Variants in GRM3 observed in about 807,000 individuals in gnomAD.
The protein encoded by GRM3 is metabotropic glutamate receptor 3.
A neutral mutation model predicts 70.5 loss-of-function variants in GRM3; 26 were observed. That is an observed-to-expected ratio of 0.37 (90% CI 0.27 to 0.51). The LOEUF (loss-of-function observed/expected upper bound fraction) is 0.51, where lower values mean the gene tolerates loss of function less well. Among genes scored for constraint, GRM3 ranks in the 20% least tolerant of loss-of-function variants. The pLI, the probability that GRM3 is intolerant of heterozygous loss-of-function variation, is 0.93. For missense variants in GRM3, 859 were observed against 1,123.8 expected (o/e 0.76, Z 3.37); for synonymous variants, 443 against 434.9 (o/e 1.02, Z -0.23).
chr7:86,707,506 C>A (rs960233258), intron 1 of GRM3, among the ~76,000 whole-genome samples: 1 of 151,918 alleles, frequency 6.6e-6, no homozygotes, highest in African/African-American at 2.4e-5. Flanking sequence ...GGCTCTGGGA[C>A]CTTGGGCAAG....
At chr7:86,689,094 C>T (rs761221138) in intron 1 of GRM3, among the ~76,000 whole-genome samples, 3 of 150,132 alleles carry the variant, frequency 2.0e-5, no homozygotes, top group Non-Finnish European at 3.0e-5. Context: ...TACAAAAGGT[C>T]GAAAGGGAAC....
At chr7:86,692,373 C>G (rs1182351209) in intron 1 of GRM3, among the ~76,000 whole-genome samples, 1 of 152,202 alleles carries the variant, frequency 6.6e-6, no homozygotes, top group Non-Finnish European at 1.5e-5. Flanking sequence ...CTATCCTTGT[C>G]AATCATTATG....
chr7:86,843,331 C>A (rs1017132899), intron 4 of GRM3, among the ~76,000 whole-genome samples: 1 of 152,110 alleles, frequency 6.6e-6, no homozygotes, highest in Non-Finnish European at 1.5e-5. Context: ...AATCCATGCC[C>A]TTCATACTGT....
intron 1 of GRM3, among the ~76,000 whole-genome samples, chr7:86,725,427 A>G (rs531159811): frequency 6.6e-6 from 1 of 152,248 alleles, no homozygotes; most frequent in African/African-American, 2.4e-5. Flanking sequence ...TGATACCTCA[A>G]GGCTTCAAGC....
chr7:86,820,628 A>G (rs1798101093), intron 3 of GRM3, among the ~76,000 whole-genome samples: 1 of 152,108 alleles, frequency 6.6e-6, no homozygotes, highest in South Asian at 2.1e-4. Context: ...AAATGGCATT[A>G]ACTTAGAATA....
intron 5 of GRM3, among the ~76,000 whole-genome samples, chr7:86,861,761 T>C (rs1282315462): frequency 6.6e-6 from 1 of 152,208 alleles, no homozygotes; most frequent in African/African-American, 2.4e-5. Context: ...ATGGGATTTA[T>C]AAGCCAGAAT....
chr7:86,843,235 T>C (rs1798591166), intron 4 of GRM3, among the ~76,000 whole-genome samples: 1 of 152,134 alleles, frequency 6.6e-6, no homozygotes, highest in Admixed American at 6.6e-5. Context: ...GGAAGTAAAT[T>C]TTATTATCCA....
chr7:86,674,777 G>T (rs1282805353), intron 1 of GRM3, among the ~76,000 whole-genome samples: 2 of 151,966 alleles, frequency 1.3e-5, no homozygotes, highest in Non-Finnish European at 2.9e-5. Flanking sequence ...CTGAAACACT[G>T]AACTGCTTGT....
intron 1 of GRM3, among the ~76,000 whole-genome samples, chr7:86,758,830 G>A (rs1049982665): frequency 5.9e-5 from 9 of 152,034 alleles, no homozygotes; most frequent in Non-Finnish European, 1.3e-4. Context: ...AGTGAAGTCG[G>A]CCTTTCTTCT....
chr7:86,845,832 G>C (rs779212808), intron 4 of GRM3, among the ~76,000 whole-genome samples: 1 of 152,090 alleles, frequency 6.6e-6, no homozygotes, highest in Non-Finnish European at 1.5e-5. Flanking sequence ...TATGAAATAA[G>C]ATCATCATTA....
intron 3 of GRM3, among the ~76,000 whole-genome samples, chr7:86,796,701 G>GT (rs1797558690): frequency 6.6e-6 from 1 of 152,162 alleles, no homozygotes; most frequent in South Asian, 2.1e-4. Context: ...AGCATGGAAT[G>GT]TTTTTTCATT....
chr7:86,808,004 A>G (rs1250198003), intron 3 of GRM3, among the ~76,000 whole-genome samples: 1 of 152,084 alleles, frequency 6.6e-6, no homozygotes, highest in Non-Finnish European at 1.5e-5. Context: ...TGAGATAGTT[A>G]TGTGGTTTTT....
chr7:86,650,809 A>C (rs1793584592), intron 1 of GRM3, among the ~76,000 whole-genome samples: 1 of 152,190 alleles, frequency 6.6e-6, no homozygotes, highest in Non-Finnish European at 1.5e-5. Flanking sequence ...GCTGAGGCTA[A>C]AATGCTGATG....
At chr7:86,756,344 G>A (rs564296315) in intron 1 of GRM3, among the ~76,000 whole-genome samples, 68 of 152,270 alleles carry the variant, frequency 4.5e-4, no homozygotes, top group African/African-American at 1.4e-3. Context: ...CTCCCAAAGT[G>A]CTGGGATTAC....
chr7:86,800,309 T>C (rs1302977416), intron 3 of GRM3, among the ~76,000 whole-genome samples: 1 of 151,994 alleles, frequency 6.6e-6, no homozygotes, highest in Admixed American at 6.6e-5. Flanking sequence ...CTGAAGGAGA[T>C]AGAGACATTT....
chr7:86,839,512 T>A lies in GRM3; in HGVS notation c.1998T>A (p.Ile666=). 6.2e-7 allele frequency: 1 copy of A among 1,608,194 alleles called. No homozygotes were observed. Among genetic ancestry groups the A allele is most frequent in the Non-Finnish European group, 8.5e-7 (1 of 1,176,666 alleles). Residue 666 remains isoleucine (I), a synonymous_variant, in exon 4 of 6, where the codon ATT becomes ATA. Transcript: ENST00000361669. This position sits in a 1 kb window ranked among gnomAD's most constrained non-coding sequence, Gnocchi z 4.5. ...CCCTGCTGACCAAGACAAACTGCAT[T>A]GCCCGCATCTTCGATGGGGTCAAGA... The part of the protein sequence containing the change: ...YSALLTKTNC[I]ARIFDGVKNG...
intron 2 of GRM3, among the ~76,000 whole-genome samples, chr7:86,778,142 A>G (rs1290558934): frequency 6.6e-6 from 1 of 152,222 alleles, no homozygotes; most frequent in Non-Finnish European, 1.5e-5. Context: ...GAAGGTTATT[A>G]TCAAGTCTCC....
intron 1 of GRM3, among the ~76,000 whole-genome samples, chr7:86,757,285 ATCTT>A (rs1413616132): frequency 6.6e-6 from 1 of 152,156 alleles, no homozygotes; most frequent in African/African-American, 2.4e-5. Flanking sequence ...GAATTATGTC[ATCTT>A]TCTTTAAGAG....
chr7:86,850,534 A>G lies in GRM3; in HGVS notation c.2556A>G (p.Thr852=). ...NRFSVSGTGT[T]YSQSSASTYV... ...TCAGTGTCAGTGGAACTGGGACCAC[A>G]TACTCTCAGTGTAAGTATGGAACTC... The change falls in exon 5 of 6, where the codon ACA becomes ACG. Residue 852 remains threonine (T), a synonymous_variant. Transcript: ENST00000361669. The G allele has an allele frequency of 6.2e-7, 1 of 1,602,446 alleles. No individual in the cohort carries two copies. The highest frequency in any genetic ancestry group is 2.2e-5 in the East Asian group (1 of 44,810).
Sources: allele counts gnomAD v4.1 joint callset (sites outside exome capture counted in the v4.1 genomes callset), GRCh38; gene constraint gnomAD v4.1.1; non-coding constraint Gnocchi (gnomAD v3.1); transcripts MANE v1.5; gene names NCBI Gene and HGNC (gene_info 2026-07-23, HGNC 2026-07-21).